ETV6: variants seen among roughly 807,000 people sequenced by gnomAD.
ETV6 encodes ETS variant transcription factor 6.
Under a neutral mutation model 51.1 loss-of-function variants are expected in ETV6, and 16 were observed. The observed-to-expected ratio is 0.31, with a 90% CI of 0.21 to 0.48. The LOEUF is 0.48. Among genes scored for constraint, ETV6 ranks in the 20% least tolerant of loss-of-function variants. The pLI is 0.99. For missense variants in ETV6, 458 were observed against 594.8 expected (o/e 0.77, Z 2.39); for synonymous variants, 240 against 224.1 (o/e 1.07, Z -0.64).
At chr12:11,830,426 T>C (rs1946225114) in intron 2 of ETV6, among the ~76,000 whole-genome samples, 1 of 152,214 alleles carries the variant, frequency 6.6e-6, no homozygotes, top group African/African-American at 2.4e-5. Context: ...TCCCTCGATT[T>C]CTGAACTTCA....
chr12:11,820,455 G>C (rs916409467), intron 2 of ETV6, among the ~76,000 whole-genome samples: 6 of 152,130 alleles, frequency 3.9e-5, no homozygotes, highest in African/African-American at 1.4e-4. Flanking sequence ...AATGCTAAGA[G>C]AAAACAAAAA....
chr12:11,872,930 T>G (rs1946906093), intron 5 of ETV6, among the ~76,000 whole-genome samples: 1 of 152,088 alleles, frequency 6.6e-6, no homozygotes, highest in South Asian at 2.1e-4. Context: ...GCCCGCTCTC[T>G]CAAGGGCACA....
chr12:11,849,266 A>G (rs1316620850), intron 3 of ETV6, among the ~76,000 whole-genome samples: 1 of 151,684 alleles, frequency 6.6e-6, no homozygotes, highest in Non-Finnish European at 1.5e-5. Flanking sequence ...ACGCATCACC[A>G]CGCCCAACTA....
chr12:11,809,308 CAA>C (rs1033820183), intron 2 of ETV6, among the ~76,000 whole-genome samples: 9 of 151,764 alleles, frequency 5.9e-5, no homozygotes, highest in African/African-American at 9.7e-5. Context: ...ATAGGAAAAA[CAA>C]GAGAACTGAA....
chr12:11,706,326 G>A (rs1213884461), intron 1 of ETV6, among the ~76,000 whole-genome samples: 1 of 152,218 alleles, frequency 6.6e-6, no homozygotes, highest in Non-Finnish European at 1.5e-5. Context: ...ATGCACAGAG[G>A]TTAAGTTGCC....
At chr12:11,805,756 T>C (rs1346723585) in intron 2 of ETV6, among the ~76,000 whole-genome samples, 1 of 152,240 alleles carries the variant, frequency 6.6e-6, no homozygotes, top group Non-Finnish European at 1.5e-5. Context: ...GGATTGCAGA[T>C]GGTGAGGTAG....
At chr12:11,864,976 G>A (rs963198356) in intron 4 of ETV6, among the ~76,000 whole-genome samples, 2 of 152,174 alleles carry the variant, frequency 1.3e-5, no homozygotes, top group Non-Finnish European at 1.5e-5. Context: ...AACAGGCTGG[G>A]CGCGGTGGCT....
chr12:11,657,040 G>C (rs1009162387), intron 1 of ETV6, among the ~76,000 whole-genome samples: 5 of 152,086 alleles, frequency 3.3e-5, no homozygotes, highest in African/African-American at 1.2e-4. Flanking sequence ...TTCCTGGAAT[G>C]AAGAGAGCAT....
At chr12:11,685,493 G>A (rs1264851392) in intron 1 of ETV6, among the ~76,000 whole-genome samples, 1 of 152,028 alleles carries the variant, frequency 6.6e-6, no homozygotes, top group Non-Finnish European at 1.5e-5. Context: ...TTTTTTCTGG[G>A]TAAAATAAAA....
In ETV6 at chr12:11,756,250, C is replaced by A. The variant is rs575568942; in HGVS notation, c.163+3671C>A. 8.7e-4 allele frequency among the ~76,000 whole-genome samples: 133 copies of A among 152,252 alleles called. 1 individual carries two copies. Among genetic ancestry groups the A allele is most frequent in the African/African-American group, 3.2e-3 (131 of 41,540 alleles). On this transcript the variant is annotated intron_variant, in intron 2 of 7. Coordinates refer to ENST00000396373, the MANE Select transcript of ETV6 (RefSeq NM_001987.5). ...AGAGCCCAGGGAAGAAAGGCCAGACCGTGCCATCCTGCTCTGACTCACTGC... is the reference window on the plus strand; with the variant it reads ...AGAGCCCAGGGAAGAAAGGCCAGACAGTGCCATCCTGCTCTGACTCACTGC...
chr12:11,680,871 A>G (rs1194925336), intron 1 of ETV6, among the ~76,000 whole-genome samples: 1 of 152,196 alleles, frequency 6.6e-6, no homozygotes, highest in African/African-American at 2.4e-5. Flanking sequence ...TTTCAGATTC[A>G]TTTAAGGGCA....
intron 1 of ETV6, among the ~76,000 whole-genome samples, chr12:11,680,785 T>C (rs1864512748): frequency 6.6e-6 from 1 of 152,178 alleles, no homozygotes; most frequent in Non-Finnish European, 1.5e-5. Flanking sequence ...AAAGCAGCCC[T>C]CTCCCTAGCC....
chr12:11,847,090 A>C (rs906165996), intron 3 of ETV6, among the ~76,000 whole-genome samples: 2 of 152,176 alleles, frequency 1.3e-5, no homozygotes, highest in Admixed American at 1.3e-4. Context: ...GTCTACGAGC[A>C]ATAGTTGTGA....
intron 1 of ETV6, among the ~76,000 whole-genome samples, chr12:11,661,606 C>T (rs1210809158): frequency 6.6e-6 from 1 of 152,238 alleles, no homozygotes; most frequent in Non-Finnish European, 1.5e-5. Flanking sequence ...CCTGATTTGG[C>T]TGACTACACC....
At chr12:11,674,588 G>A (rs1864379133) in intron 1 of ETV6, among the ~76,000 whole-genome samples, 1 of 150,872 alleles carries the variant, frequency 6.6e-6, no homozygotes, top group Non-Finnish European at 1.5e-5. Flanking sequence ...GTAGCTCAAG[G>A]CCCATAGGGG....
chr12:11,724,943 A>G (rs532966218), intron 1 of ETV6, among the ~76,000 whole-genome samples: 2 of 152,294 alleles, frequency 1.3e-5, no homozygotes, highest in African/African-American at 4.8e-5. Context: ...TGCTCCAGAC[A>G]CATAGGTCTT....
chr12:11,727,513 C>G (rs1331019412), intron 1 of ETV6, among the ~76,000 whole-genome samples: 1 of 152,214 alleles, frequency 6.6e-6, no homozygotes, highest in Non-Finnish European at 1.5e-5. Flanking sequence ...CACTGGAGAG[C>G]CATAATCATC....
At chr12:11,667,615 G>A (rs539637475) in intron 1 of ETV6, among the ~76,000 whole-genome samples, 2 of 148,964 alleles carry the variant, frequency 1.3e-5, no homozygotes, top group South Asian at 2.1e-4. Context: ...TCACTGCCTC[G>A]ACCTCCTGGG....
chr12:11,777,284 A>G (rs1382990127), intron 2 of ETV6, among the ~76,000 whole-genome samples: 1 of 151,410 alleles, frequency 6.6e-6, no homozygotes, highest in Non-Finnish European at 1.5e-5. Context: ...AAATGCTCAT[A>G]TAATATAATT....
Sources: gnomAD v4.1 joint callset for allele counts (sites outside exome capture counted in the v4.1 genomes callset) on GRCh38, gnomAD v4.1.1 for gene constraint, MANE v1.5 for transcripts, NCBI Gene and HGNC (gene_info 2026-07-23, HGNC 2026-07-21) for gene names.